The following KNSTRN variants were observed in gnomAD, a reference collection of about 807,000 sequenced individuals.
KNSTRN encodes kinetochore localized astrin (SPAG5) binding protein.
In KNSTRN, 38 loss-of-function variants were observed where a neutral mutation model predicts 44.7. That is an observed-to-expected ratio of 0.85 (90% CI 0.66 to 1.11). KNSTRN has a LOEUF of 1.11. KNSTRN is among the 50% of genes most tolerant of loss of function. KNSTRN has a pLI of 0.00. For synonymous variants in KNSTRN, 158 were observed against 148.1 expected (o/e 1.07, Z -0.48); for missense variants, 406 against 375.8 (o/e 1.08, Z -0.66).
chr15:40,387,641 A>C (rs980296922), intron 4 of KNSTRN, among the ~76,000 whole-genome samples: 10 of 152,212 alleles, frequency 6.6e-5, no homozygotes, highest in African/African-American at 2.4e-4. Flanking sequence ...ACTATCAGAA[A>C]TAGAAATAAT....
intron 8 of KNSTRN, among the ~76,000 whole-genome samples, chr15:40,392,619 G>A (rs1293705060): frequency 2.0e-5 from 3 of 152,204 alleles, no homozygotes; most frequent in Non-Finnish European, 4.4e-5. Flanking sequence ...TTGGGCCCAG[G>A]AGGGCAAGGA....
Position 40,389,890 on chromosome 15 carries a change from A to G in KNSTRN, c.646A>G (p.Asn216Asp). 1.2e-6 allele frequency: 2 copies of G among 1,614,210 alleles called. No homozygotes were observed. The highest frequency in any genetic ancestry group is 2.2e-5 in the South Asian group (2 of 91,088). The change falls in exon 6 of 9, where the codon AAC becomes GAC. Residue 216 changes from asparagine to aspartate, a missense_variant. Physicochemically the swap from Asn to Asp is conservative, Grantham distance 23 (BLOSUM62 1). Transcript: ENST00000249776. ...AGAGCTGCTGGAGAAGTTTCGGGAC[A>G]ACTGTTTGGCAATTTTGGAGAGCAA... ...KVELLEKFRD[N>D]CLAILESKGL...
chr15:40,392,160 C>T (rs1173754919), intron 8 of KNSTRN, 137 bp downstream of exon 8: 2 of 616,320 alleles, frequency 3.2e-6, no homozygotes, highest in Middle Eastern at 4.5e-4. Flanking sequence ...AAAGATAATA[C>T]AGAAAATTTA....
At position 40,393,615 on chromosome 15, in the gene KNSTRN, G is replaced by A; in HGVS notation, c.*18G>A. 6.2e-7 allele frequency: 1 copy of A among 1,611,158 alleles called. No individual in the cohort carries two copies. The highest frequency in any genetic ancestry group is 1.1e-5 in the South Asian group (1 of 90,596). On this transcript the variant is annotated 3_prime_UTR_variant, in exon 9 of 9. Coordinates refer to ENST00000249776, the MANE Select transcript of KNSTRN (RefSeq NM_033286.4). ...AAATGTAAGAAGAAGCAAGTGGCCAGATGGCTCCCTCTTGGGCATAAAATC... is the reference window on the plus strand; with the variant it reads ...AAATGTAAGAAGAAGCAAGTGGCCAAATGGCTCCCTCTTGGGCATAAAATC...
At position 40,389,488 on chromosome 15, in the gene KNSTRN, G is replaced by C; in HGVS notation, c.486-18G>C. The C allele has an allele frequency of 6.3e-7, 1 of 1,587,874 alleles. No individual in the cohort carries two copies. Among genetic ancestry groups the C allele is most frequent in the Non-Finnish European group, 8.6e-7 (1 of 1,156,418 alleles). On this transcript the variant is annotated intron_variant, in intron 4 of 8. Transcript: ENST00000249776. ...TTAACCCTTTTATCTTTTCATGTAA[G>C]TACAACTATTATTACAGCTACAAAC...
chr15:40,382,785 A>G lies in KNSTRN; in HGVS notation c.-51A>G, dbSNP rs1889826851. ...CCTCTGCCCAGACCTGGGGGCTCCA[A>G]CACCTTTCGCTAGGTCTGGCTCTGG... On this transcript the variant is annotated 5_prime_UTR_variant, in exon 1 of 9. Coordinates refer to ENST00000249776, the MANE Select transcript of KNSTRN (RefSeq NM_033286.4). 6 of 1,543,456 alleles carry G rather than the reference A, an allele frequency of 3.9e-6. No individual in the cohort carries two copies. The highest frequency in any genetic ancestry group is 5.3e-6 in the Non-Finnish European group (6 of 1,133,340).
chr15:40,393,928 G>A lies in KNSTRN; in HGVS notation c.*331G>A. The stretch of plus-strand genomic sequence containing the variant: ...TCGGGAGACTAAACCAACAACCAGA[G>A]GATCTAAAATGTCACATTCAGATTT... On this transcript the variant is annotated 3_prime_UTR_variant, in exon 9 of 9. Coordinates refer to ENST00000249776, the MANE Select transcript of KNSTRN (RefSeq NM_033286.4). The A allele has an allele frequency of 1.1e-5, 2 of 180,632 alleles. No homozygotes were observed. The highest frequency in any genetic ancestry group is 1.2e-4 in the South Asian group (1 of 8,338). The allele number at this position is 180,632 out of a possible 1,614,324, so 11.2% of individuals were successfully genotyped here. A position where few individuals can be genotyped will look rare whatever the true frequency, so the allele number is the denominator to read the frequency against.
intron 8 of KNSTRN, among the ~76,000 whole-genome samples, chr15:40,392,257 G>A (rs968696912): frequency 4.6e-5 from 7 of 151,400 alleles, no homozygotes; most frequent in South Asian, 4.1e-4. Context: ...ACAGGTAAAC[G>A]TGTGCCATGG....
At chr15:40,387,262 C>T (rs1889918763) in intron 4 of KNSTRN, 56 bp downstream of exon 4, 2 of 1,321,800 alleles carry the variant, frequency 1.5e-6, no homozygotes, top group Admixed American at 1.7e-5. Context: ...GATCTCAATC[C>T]TTGGTTCTGC....
At chr15:40,389,112 T>C (rs1889951805) in intron 4 of KNSTRN, 1 of 451,234 alleles carries the variant, frequency 2.2e-6, no homozygotes, top group Non-Finnish European at 4.4e-6. Context: ...CAGGATAGAA[T>C]GGGACGTGTT....
intron 4 of KNSTRN, 120 bp downstream of exon 4, chr15:40,387,326 A>T: frequency 2.4e-6 from 2 of 827,162 alleles, no homozygotes; most frequent in South Asian, 2.9e-5. Context: ...GTTCCACCTC[A>T]GGAACCTGAG....
Position 40,386,749 on chromosome 15 carries a change from C to A in KNSTRN, c.437+255C>A, listed in dbSNP as rs1595738301. On this transcript the variant is annotated intron_variant, in intron 3 of 8. Coordinates refer to ENST00000249776, the MANE Select transcript of KNSTRN (RefSeq NM_033286.4). ...TGCTCTGAGCATACAAGTGGCAGCACTGTAGTCATACAGCAACCCTGAGGG... is the reference window on the plus strand; with the variant it reads ...TGCTCTGAGCATACAAGTGGCAGCAATGTAGTCATACAGCAACCCTGAGGG... The A allele has an allele frequency of 4.2e-5, 22 of 528,632 alleles. No homozygotes were observed. The East Asian group carries it at 6.8e-4, about 16-fold the overall frequency. The allele number at this position is 528,632 out of a possible 1,614,324, so 32.7% of individuals were successfully genotyped here.
At chr15:40,389,305 C>T (rs554755462) in intron 4 of KNSTRN, 31 of 522,626 alleles carry the variant, frequency 5.9e-5, no homozygotes, top group Middle Eastern at 5.2e-4. Context: ...TGCGCCACCA[C>T]GCCTGACTAA....
rs1398350001 is a variant in KNSTRN, at chr15:40,392,005, G to A, written c.804G>A (p.Lys268=). 2 of 1,610,916 alleles carry A rather than the reference G, an allele frequency of 1.2e-6. No homozygotes were observed. The highest frequency in any genetic ancestry group is 2.7e-5 in the African/African-American group (2 of 74,800). ...AGCTTTTTAACGAAACAGCCAAAAA[G>A]CAGATGGAGGAGTTACAGGTGAGAG... ...ELKLFNETAK[K]QMEELQALKV... Residue 268 remains lysine, a synonymous_variant, in exon 8 of 9, where the codon AAG becomes AAA. Transcript: ENST00000249776.
chr15:40,383,351 T>A, intron 2 of KNSTRN, 29 bp downstream of exon 2: 1 of 1,562,770 alleles, frequency 6.4e-7, no homozygotes, highest in Non-Finnish European at 8.8e-7. Context: ...CCCGGGGCAC[T>A]GCGGCCTGGC....
In KNSTRN at chr15:40,382,980, G is replaced by T. The variant is rs1334432670; in HGVS notation, c.145G>T (p.Val49Phe). The change falls in exon 1 of 9, where the codon GTT (valine) becomes TTT (phenylalanine). Residue 49 changes from valine to phenylalanine, a missense_variant. By Grantham distance (50) the Val-to-Phe change is conservative. Coordinates refer to ENST00000249776, the MANE Select transcript of KNSTRN (RefSeq NM_033286.4). The stretch of plus-strand genomic sequence containing the variant: ...GGCCGACTTAGCCGGTGGCACGACA[G>T]TTGCTGCAGGGAATCTTTTAAACGA... ...QAADLAGGTT[V>F]AAGNLLNESE... The T allele has an allele frequency of 6.2e-7, 1 of 1,612,102 alleles. No homozygotes were observed. Among genetic ancestry groups the T allele is most frequent in the Non-Finnish European group, 8.5e-7 (1 of 1,180,044 alleles).
rs759112566 is a variant in KNSTRN, at chr15:40,391,942, C to T, written c.748-7C>T. ...GATTTGTTTACTACATTGTGCTTTC[C>T]TCTTAGTTGCTGTTAGAAACTTTGC... On this transcript the variant is annotated splice_polypyrimidine_tract_variant and splice_region_variant and intron_variant, in intron 7 of 8. Transcript: ENST00000249776. The T allele has an allele frequency of 1.2e-6, 2 of 1,602,770 alleles. No homozygotes were observed. The highest frequency in any genetic ancestry group is 4.5e-5 in the East Asian group (2 of 44,598).
At chr15:40,388,969 C>G (rs1889949728) in intron 4 of KNSTRN, among the ~76,000 whole-genome samples, 1 of 152,104 alleles carries the variant, frequency 6.6e-6, no homozygotes, top group Non-Finnish European at 1.5e-5. Flanking sequence ...GAAATGCACA[C>G]GTGTTTTCTC....
At chr15:40,390,235 G>GA (rs1442569183) in intron 6 of KNSTRN, among the ~76,000 whole-genome samples, 7 of 152,212 alleles carry the variant, frequency 4.6e-5, no homozygotes, top group Admixed American at 6.5e-5. Flanking sequence ...CCTTTCAAGG[G>GA]AGAACATTTT....
Sources: gnomAD v4.1 joint callset for allele counts (sites outside exome capture counted in the v4.1 genomes callset) on GRCh38, gnomAD v4.1.1 for gene constraint, MANE v1.5 for transcripts, NCBI Gene and HGNC (gene_info 2026-07-23, HGNC 2026-07-21) for gene names.